WNT3: variants seen among roughly 807,000 people sequenced by gnomAD.
WNT3 encodes the protein Wnt family member 3.
A neutral mutation model predicts 34.2 loss-of-function variants in WNT3; 7 were observed. That is an observed-to-expected ratio of 0.20 (90% CI 0.12 to 0.38). The LOEUF is 0.38. Ranked by LOEUF, WNT3 falls within the 10% of genes least tolerant of loss-of-function variation. WNT3 has a pLI of 1.00. For missense variants in WNT3, 267 were observed against 499.8 expected, an observed-to-expected ratio of 0.53 and a Z score of 4.44; for synonymous variants, 212 against 211.5, an observed-to-expected ratio of 1.00 and a Z score of -0.02.
In WNT3 at chr17:46,773,785, C is replaced by T. The variant is rs2059393867; in HGVS notation, c.205G>A (p.Val69Met). The T allele has an allele frequency of 1.9e-6, 3 of 1,613,498 alleles. No individual in the cohort carries two copies. Among genetic ancestry groups the T allele is most frequent in the Non-Finnish European group, 2.5e-6 (3 of 1,180,022 alleles). ...CRNYIEIMPS[V>M]AEGVKLGIQE... ...ATGCCCAGCTTCACGCCCTCGGCCACGCTGGGCATGATCTCGATGTAATTG... is the reference window on the plus strand; with the variant it reads ...ATGCCCAGCTTCACGCCCTCGGCCATGCTGGGCATGATCTCGATGTAATTG... The change falls in exon 2 of 5, where the codon GTG becomes ATG. Residue 69 changes from valine to methionine, a missense_variant. By Grantham distance (21) the Val-to-Met change is conservative (BLOSUM62 1). Transcript: ENST00000225512.
chr17:46,808,254 C>A (rs2084222537), intron 1 of WNT3, among the ~76,000 whole-genome samples: 1 of 152,226 alleles, frequency 6.6e-6, no homozygotes, highest in Admixed American at 6.5e-5. Flanking sequence ...ACTGTGCAAT[C>A]CCAGCTTGAG....
intron 1 of WNT3, among the ~76,000 whole-genome samples, chr17:46,798,002 C>G (rs982734695): frequency 2.0e-5 from 3 of 152,174 alleles, no homozygotes; most frequent in Non-Finnish European, 4.4e-5. Flanking sequence ...GATCCCGGCT[C>G]TCTGCAACGT....
intron 4 of WNT3, among the ~76,000 whole-genome samples, chr17:46,766,440 T>C (rs2059314288): frequency 1.3e-5 from 2 of 151,124 alleles, no homozygotes; most frequent in South Asian, 2.1e-4. Flanking sequence ...GGGCTCCCAT[T>C]GTCACCACCA....
chr17:46,798,053 C>T (rs1375932763), intron 1 of WNT3, among the ~76,000 whole-genome samples: 9 of 152,102 alleles, frequency 5.9e-5, no homozygotes, highest in South Asian at 2.1e-4. Flanking sequence ...CTCAGCCTCC[C>T]GAGTAGCTAG....
At chr17:46,818,074 C>T (rs771547984) in intron 1 of WNT3, among the ~76,000 whole-genome samples, 2 of 151,858 alleles carry the variant, frequency 1.3e-5, no homozygotes, top group Non-Finnish European at 2.9e-5. Flanking sequence ...TTGATGGAGG[C>T]GCCGGCAGAG....
At chr17:46,801,584 C>A (rs1469252889) in intron 1 of WNT3, among the ~76,000 whole-genome samples, 2 of 126,782 alleles carry the variant, frequency 1.6e-5, no homozygotes, top group Non-Finnish European at 1.8e-5. Flanking sequence ...TGCGCCATTA[C>A]ACTCCACTCT....
In WNT3 at chr17:46,762,780, A is replaced by G. The variant is rs758266573; in HGVS notation, c.*1850T>C. 6.6e-6 allele frequency: 1 copy of G among 152,172 alleles called. No individual in the cohort carries two copies. The highest frequency in any genetic ancestry group is 1.5e-5 in the Non-Finnish European group (1 of 68,026). 9.4% of individuals were successfully genotyped at this position (152,172 alleles called of 1,614,324 possible). On this transcript the variant is annotated 3_prime_UTR_variant, in exon 5 of 5. Transcript: ENST00000225512. The stretch of plus-strand genomic sequence containing the variant: ...CTATTACCTGACTACGGCGAGAATC[A>G]TTACAATGCACTCATGTACTATTAT...
chr17:46,782,158 A>G (rs2059467059), intron 1 of WNT3, among the ~76,000 whole-genome samples: 1 of 152,220 alleles, frequency 6.6e-6, no homozygotes, highest in Non-Finnish European at 1.5e-5. Context: ...CTTTGCAGAA[A>G]TAGGCCCTTT....
chr17:46,814,818 G>C (rs1199601437), intron 1 of WNT3, among the ~76,000 whole-genome samples: 2 of 152,270 alleles, frequency 1.3e-5, no homozygotes, highest in East Asian at 1.9e-4. Flanking sequence ...GGAGGTGGGA[G>C]TGGGTGGGAG....
At chr17:46,816,102 C>T (rs766347221) in intron 1 of WNT3, among the ~76,000 whole-genome samples, 3 of 150,692 alleles carry the variant, frequency 2.0e-5, no homozygotes, top group Admixed American at 6.6e-5. Context: ...TGAAGGCATG[C>T]GCGCGCACGT....
intron 1 of WNT3, among the ~76,000 whole-genome samples, chr17:46,814,460 G>T (rs932184869): frequency 6.6e-6 from 1 of 152,142 alleles, no homozygotes; most frequent in African/African-American, 2.4e-5. Flanking sequence ...GAGCGGGAGG[G>T]CTGTTAACTT....
chr17:46,815,148 A>G (rs2084324426), intron 1 of WNT3, among the ~76,000 whole-genome samples: 1 of 152,042 alleles, frequency 6.6e-6, no homozygotes, highest in Non-Finnish European at 1.5e-5. Flanking sequence ...GCTAGGCCCT[A>G]ATAACATAGG....
At chr17:46,786,100 T>TA (rs2059504032) in intron 1 of WNT3, among the ~76,000 whole-genome samples, 1 of 120,112 alleles carries the variant, frequency 8.3e-6, no homozygotes, top group East Asian at 3.0e-4. Context: ...GTGAAGTTGA[T>TA]AAGCCTGGAA....
chr17:46,786,589 T>C (rs2059508314), intron 1 of WNT3, among the ~76,000 whole-genome samples: 1 of 152,168 alleles, frequency 6.6e-6, no homozygotes, highest in Non-Finnish European at 1.5e-5. Context: ...GAGAGCTGGG[T>C]CCGTTTCTCC....
chr17:46,771,648 G>A (rs982134619), intron 2 of WNT3, among the ~76,000 whole-genome samples: 1 of 144,034 alleles, frequency 6.9e-6, no homozygotes, highest in Non-Finnish European at 1.5e-5. Context: ...CGCCGGGCCC[G>A]GGCCGCCGGG....
chr17:46,817,091 C>T (rs2084361247), intron 1 of WNT3, among the ~76,000 whole-genome samples: 1 of 152,186 alleles, frequency 6.6e-6, no homozygotes, highest in Non-Finnish European at 1.5e-5. Flanking sequence ...TCCTAGCACC[C>T]TCTAAACAGA....
At chr17:46,766,390 A>C (rs1159232828) in intron 4 of WNT3, among the ~76,000 whole-genome samples, 1 of 151,768 alleles carries the variant, frequency 6.6e-6, no homozygotes, top group African/African-American at 2.4e-5. Flanking sequence ...CTGGGCGACA[A>C]AGAGAGACTC....
intron 1 of WNT3, among the ~76,000 whole-genome samples, chr17:46,806,367 G>C (rs1271738617): frequency 6.6e-6 from 1 of 151,812 alleles, no homozygotes; most frequent in Non-Finnish European, 1.5e-5. Flanking sequence ...GTGCCACCAC[G>C]CCCGGCTAAT....
chr17:46,813,463 C>T (rs1020747164), intron 1 of WNT3, among the ~76,000 whole-genome samples: 4 of 141,512 alleles, frequency 2.8e-5, no homozygotes, highest in South Asian at 2.6e-4. Context: ...ATGGCTCTAA[C>T]CTTTGGCGGG....
Sources: gnomAD v4.1 joint callset for allele counts (sites outside exome capture counted in the v4.1 genomes callset) on GRCh38, gnomAD v4.1.1 for gene constraint, MANE v1.5 for transcripts, NCBI Gene and HGNC (gene_info 2026-07-23, HGNC 2026-07-21) for gene names.